SYNC: variants seen among roughly 807,000 people sequenced by gnomAD.
SYNC encodes the protein syncoilin.
A neutral mutation model predicts 49.5 loss-of-function variants in SYNC; 38 were observed. The ratio of observed to expected loss-of-function variants is 0.77; its 90% CI spans 0.59 to 1.01. The LOEUF (loss-of-function observed/expected upper bound fraction) is 1.01, where lower values mean the gene tolerates loss of function less well. Ranked by LOEUF, SYNC falls within the 50% of genes least tolerant of loss-of-function variation. The pLI is 0.00. For synonymous variants in SYNC, 201 were observed against 230.8 expected, an observed-to-expected ratio of 0.87 and a Z score of 1.17; for missense variants, 579 against 580.6, an observed-to-expected ratio of 1.00 and a Z score of 0.03.
chr1:32,699,154 T>TTTC (rs1491504843), intron 1 of SYNC, among the ~76,000 whole-genome samples: 11 of 1,922 alleles, frequency 5.7e-3, no homozygotes, highest in Non-Finnish European at 9.9e-3. Context: ...TTTTCTTTTC[T>TTTC]TTTTTTTTTT....
intron 1 of SYNC, among the ~76,000 whole-genome samples, chr1:32,701,556 A>G (rs373883844): frequency 2.6e-4 from 39 of 152,296 alleles, no homozygotes; most frequent in African/African-American, 8.9e-4. Flanking sequence ...CCTGACCTCC[A>G]AGCTGTGCTG....
rs1446496643 is a variant in SYNC at position 32,695,971 on chromosome 1, G to T, written c.127C>A (p.Pro43Thr). 2 of 1,544,776 alleles carry T rather than the reference G, an allele frequency of 1.3e-6. No homozygotes were observed. Among genetic ancestry groups the T allele is most frequent in the East Asian group, 2.4e-5 (1 of 40,924 alleles). Residue 43 changes from proline to threonine, a missense_variant, in exon 2 of 5, where the codon CCA becomes ACA. Coordinates refer to ENST00000409190, the MANE Select transcript of SYNC (RefSeq NM_030786.3). The part of the protein sequence containing the change: ...GSLNEAEALN[P>T]EVTLSSEGSL... The stretch of plus-strand genomic sequence containing the variant: ...CCCTCTGAAGATAGAGTAACTTCTG[G>T]GTTCAAGGCTTCTGCCTCATTTAGG...
intron 4 of SYNC, 132 bp downstream of exon 4, chr1:32,683,878 C>G: frequency 1.2e-6 from 1 of 803,876 alleles, no homozygotes; most frequent in Non-Finnish European, 2.0e-6. Flanking sequence ...GGTGATCCAC[C>G]CTCCTCAGCC....
chr1:32,692,486 C>A (rs1026029002), intron 2 of SYNC, among the ~76,000 whole-genome samples: 1 of 152,186 alleles, frequency 6.6e-6, no homozygotes, highest in Non-Finnish European at 1.5e-5. Flanking sequence ...TGGTGGCTTA[C>A]GCCTGTAATC....
chr1:32,688,227 ACT>A (rs1257895491), intron 2 of SYNC, among the ~76,000 whole-genome samples: 1 of 151,848 alleles, frequency 6.6e-6, no homozygotes, highest in Non-Finnish European at 1.5e-5. Flanking sequence ...TCGCTCCATC[ACT>A]CTCAAGCTGC....
chr1:32,699,196 C>T (rs1650573496), intron 1 of SYNC, among the ~76,000 whole-genome samples: 1 of 145,372 alleles, frequency 6.9e-6, no homozygotes, highest in Non-Finnish European at 1.5e-5. Context: ...CTCTGTCGCC[C>T]AGGCTGGAGT....
At position 32,694,929 on chromosome 1, in the gene SYNC, C is replaced by T; in HGVS notation, c.1169G>A (p.Arg390Lys). The T allele has an allele frequency of 6.2e-7, 1 of 1,613,332 alleles. No homozygotes were observed. Among genetic ancestry groups the T allele is most frequent in the Non-Finnish European group, 8.5e-7 (1 of 1,179,880 alleles). Residue 390 changes from arginine (R) to lysine (K), a missense_variant, in exon 2 of 5, where the codon AGG becomes AAG. Physicochemically the swap from Arg to Lys is conservative, Grantham distance 26. Coordinates refer to ENST00000409190, the MANE Select transcript of SYNC (RefSeq NM_030786.3). ...AEARQLRLQN[R>K]NLEDQIALVR... ...AAGTGCGATCTGGTCCTCCAGGTTC[C>T]TGTTTTGCAGGCGGAGCTGCCGGGC...
At chr1:32,694,686 C>T (rs1479605089) in intron 2 of SYNC, among the ~76,000 whole-genome samples, 179 bp downstream of exon 2, 1 of 151,694 alleles carries the variant, frequency 6.6e-6, no homozygotes, top group Non-Finnish European at 1.5e-5. Context: ...GTGCAGATAA[C>T]TTCTAGTCCC....
chr1:32,698,261 G>A (rs902993469), intron 1 of SYNC, among the ~76,000 whole-genome samples: 3 of 148,844 alleles, frequency 2.0e-5, no homozygotes, highest in Non-Finnish European at 3.0e-5. Context: ...GCTCACGCCT[G>A]TAATCCCAGC....
chr1:32,697,894 T>TC (rs1474479359), intron 1 of SYNC, among the ~76,000 whole-genome samples: 1 of 151,928 alleles, frequency 6.6e-6, no homozygotes. Flanking sequence ...ATTCTTAAGT[T>TC]CCCCAAGAGC....
chr1:32,694,523 G>A (rs937153855), intron 2 of SYNC, among the ~76,000 whole-genome samples: 2 of 151,938 alleles, frequency 1.3e-5, no homozygotes, highest in Non-Finnish European at 2.9e-5. Context: ...GCATGGTGGT[G>A]AGCACCTGTA....
At chr1:32,696,371 A>G (rs2148561095) in intron 1 of SYNC, among the ~76,000 whole-genome samples, 1 of 152,002 alleles carries the variant, frequency 6.6e-6, no homozygotes, top group South Asian at 2.1e-4. Flanking sequence ...CTGGAGTGCA[A>G]TAGCGTGATG....
At chr1:32,684,672 G>A (rs2148544868) in intron 2 of SYNC, 1 of 319,872 alleles carries the variant, frequency 3.1e-6, no homozygotes, top group East Asian at 6.6e-5. Context: ...CAACCTTAGT[G>A]TCATTGAGGA....
rs1336829678 is a variant in SYNC, at chr1:32,695,539, C to T, written c.559G>A (p.Ala187Thr). 1.9e-6 allele frequency: 3 copies of T among 1,551,296 alleles called. No individual in the cohort carries two copies. The highest frequency in any genetic ancestry group is 2.0e-5 in the Admixed American group (1 of 50,910). ...TGATCCCTCTCCTCTTCCAGCTGGG[C>T]CACAGCTTGGACACACTGCTGGAAA... Reference protein sequence around the residue: ...GRFQQCVQAVAQLEEERDQLI... With the variant: ...GRFQQCVQAVTQLEEERDQLI... Residue 187 changes from alanine to threonine, a missense_variant, in exon 2 of 5, where the codon GCC becomes ACC. Coordinates refer to ENST00000409190, the MANE Select transcript of SYNC (RefSeq NM_030786.3).
chr1:32,702,485 C>T lies in SYNC; in HGVS notation c.53+123G>A. ...CCCCTCACGAGGCGGCTCCAGTGCC[C>T]CACCCCGGCTGGACCACTACCCCTA... On this transcript the variant is annotated intron_variant, in intron 1 of 4. Coordinates refer to ENST00000409190, the MANE Select transcript of SYNC (RefSeq NM_030786.3). The surrounding 1 kb of genome is among the most constrained non-coding windows in gnomAD (Gnocchi z 6.2). 1.0e-6 allele frequency: 1 copy of T among 977,638 alleles called. No individual in the cohort carries two copies. The highest frequency in any genetic ancestry group is 1.3e-6 in the Non-Finnish European group (1 of 775,544). 60.6% of individuals were successfully genotyped at this position (977,638 alleles called of 1,614,324 possible). A position where few individuals can be genotyped will look rare whatever the true frequency, so the allele number is the denominator to read the frequency against.
intron 2 of SYNC, among the ~76,000 whole-genome samples, chr1:32,687,088 A>G (rs1012470244): frequency 2.0e-5 from 3 of 152,118 alleles, no homozygotes; most frequent in South Asian, 2.1e-4. Context: ...GGCCAGGCAC[A>G]GTGGCTCATG....
chr1:32,701,411 G>C (rs2148565860), intron 1 of SYNC, among the ~76,000 whole-genome samples: 1 of 152,242 alleles, frequency 6.6e-6, no homozygotes. Context: ...GTTTCCTAAG[G>C]ACAAGCAGAG....
At chr1:32,688,362 A>C (rs1372514456) in intron 2 of SYNC, among the ~76,000 whole-genome samples, 1 of 152,186 alleles carries the variant, frequency 6.6e-6, no homozygotes, top group Non-Finnish European at 1.5e-5. Context: ...CTTCAAGTAC[A>C]TACTAGCTAT....
In SYNC at chr1:32,684,101, G is replaced by T. The variant is rs905859980; in HGVS notation, c.1359-12C>A. On this transcript the variant is annotated splice_polypyrimidine_tract_variant and intron_variant, in intron 3 of 4. Transcript: ENST00000409190. The stretch of plus-strand genomic sequence containing the variant: ...GTAGTAGCATAGCCCTTTAAAAAGA[G>T]AGAGCCATTTTCCATGTGTTTTTGG... 69 of 1,612,722 alleles carry T rather than the reference G, an allele frequency of 4.3e-5. No individual in the cohort carries two copies. Among genetic ancestry groups the T allele is most frequent in the Non-Finnish European group, 5.7e-5 (67 of 1,179,310 alleles).
Sources: allele counts gnomAD v4.1 joint callset (sites outside exome capture counted in the v4.1 genomes callset), GRCh38; gene constraint gnomAD v4.1.1; non-coding constraint Gnocchi (gnomAD v3.1); transcripts MANE v1.5; gene names NCBI Gene and HGNC (gene_info 2026-07-23, HGNC 2026-07-21).